CPA4: variants seen among roughly 807,000 people sequenced by gnomAD.
The protein encoded by CPA4 is carboxypeptidase A3.
In CPA4, 49 loss-of-function variants were observed where a neutral mutation model predicts 54.7. The observed-to-expected ratio is 0.90, with a 90% CI of 0.71 to 1.14. CPA4 has a LOEUF of 1.14. Among genes scored for constraint, CPA4 ranks in the 50% most tolerant of loss-of-function variants. CPA4 has a pLI of 0.00. For synonymous variants in CPA4, 215 were observed against 206.8 expected, an observed-to-expected ratio of 1.04 and a Z score of -0.34; for missense variants, 487 against 525.1, an observed-to-expected ratio of 0.93 and a Z score of 0.71.
At chr7:130,298,702 C>T in intron 1 of CPA4, 44 bp from the exon 2 acceptor site, 3 of 1,203,314 alleles carry the variant, frequency 2.5e-6, no homozygotes, top group Non-Finnish European at 3.7e-6. Context: ...GCTGAAAGCT[C>T]ATCATTATCT....
chr7:130,306,088 G>C (rs1483726523), intron 6 of CPA4, 168 bp downstream of exon 6: 11 of 609,686 alleles, frequency 1.8e-5, no homozygotes, highest in Non-Finnish European at 3.2e-5. Flanking sequence ...CCCTTGGTCA[G>C]CTCACTGCGG....
At chr7:130,306,026 G>C (rs927249628) in intron 6 of CPA4, 106 bp downstream of exon 6, 1 of 881,564 alleles carries the variant, frequency 1.1e-6, no homozygotes, top group Admixed American at 2.0e-5. Context: ...TCTCTACTAA[G>C]ACCCAGTCGG....
intron 4 of CPA4, among the ~76,000 whole-genome samples, chr7:130,303,918 A>C (rs1203398290): frequency 6.6e-6 from 1 of 152,044 alleles, no homozygotes; most frequent in Non-Finnish European, 1.5e-5. Flanking sequence ...TTGGGATTAT[A>C]GGCATGAGCC....
chr7:130,308,541 C>A, intron 8 of CPA4, 144 bp downstream of exon 8: 1 of 670,114 alleles, frequency 1.5e-6, no homozygotes, highest in South Asian at 1.8e-5. Flanking sequence ...ACTCCTTAGG[C>A]TCTGACTTAG....
intron 10 of CPA4, among the ~76,000 whole-genome samples, chr7:130,317,776 A>G (rs1337781750): frequency 6.6e-6 from 1 of 151,746 alleles, no homozygotes; most frequent in Non-Finnish European, 1.5e-5. Context: ...TTTCCCCTCT[A>G]TTGGCTTTTC....
chr7:130,298,750 C>T lies in CPA4; in HGVS notation c.73C>T (p.Gln25Ter), dbSNP rs1562927923. 1 of 1,604,422 alleles carries T rather than the reference C, an allele frequency of 6.2e-7. No individual in the cohort carries two copies. Among genetic ancestry groups the T allele is most frequent in the Non-Finnish European group, 8.5e-7 (1 of 1,171,740 alleles). Residue 25 changes from glutamine (Q) to a stop codon, truncating the protein, a stop_gained, in exon 2 of 11, where the codon CAA becomes TAA. Transcript: ENST00000222482. LOFTEE classifies it high-confidence loss of function. ...TCCTTTTCGCTTCTTCCCCAGGGACCAAGTTTTGAGGATTAATGTCAGAAA... is the reference window on the plus strand; with the variant it reads ...TCCTTTTCGCTTCTTCCCCAGGGACTAAGTTTTGAGGATTAATGTCAGAAA... ...ICGQEKFFGD[Q>*]VLRINVRNGD...
rs149468744 is a variant in CPA4, at chr7:130,301,356, T to C, written c.384+442T>C. 1.6e-3 allele frequency among the ~76,000 whole-genome samples: 250 copies of C among 152,342 alleles called. 1 individual carries two copies. Among genetic ancestry groups the C allele is most frequent in the Non-Finnish European group, 2.5e-3 (170 of 68,034 alleles). ...GACTACTTATAATGTATATATTTGT[T>C]CCATCATGCATTTTGGTGCTGTGTT... is the stretch of plus-strand genomic sequence containing the variant. On this transcript the variant is annotated intron_variant, in intron 4 of 10. Coordinates refer to ENST00000222482, the MANE Select transcript of CPA4 (RefSeq NM_016352.4).
Position 130,312,114 on chromosome 7 carries a change from C to T in CPA4, c.1070C>T (p.Thr357Ile). ...GAGTACCAAGTGGGTCCCACCTGCA[C>T]CACTGTCTGTAAGTACTCGCTTATT... ...GTEYQVGPTCTTVYPASGSSI... is the reference protein window; with the variant it reads ...GTEYQVGPTCITVYPASGSSI... Residue 357 changes from threonine (T) to isoleucine (I), a missense_variant, in exon 10 of 11, where the codon ACC (threonine) becomes ATC (isoleucine). Physicochemically the swap from Thr to Ile is moderately conservative, Grantham distance 89. Coordinates refer to ENST00000222482, the MANE Select transcript of CPA4 (RefSeq NM_016352.4). 1 of 1,611,666 alleles carries T rather than the reference C, an allele frequency of 6.2e-7. No homozygotes were observed. Among genetic ancestry groups the T allele is most frequent in the Non-Finnish European group, 8.5e-7 (1 of 1,177,776 alleles).
intron 3 of CPA4, among the ~76,000 whole-genome samples, chr7:130,299,997 A>G (rs1184510491): frequency 1.3e-5 from 2 of 152,192 alleles, no homozygotes; most frequent in East Asian, 1.9e-4. Flanking sequence ...ACATCAGGAC[A>G]GGGTCTGGCT....
At chr7:130,313,290 C>T (rs1793940507) in intron 10 of CPA4, among the ~76,000 whole-genome samples, 1 of 152,210 alleles carries the variant, frequency 6.6e-6, no homozygotes, top group Admixed American at 6.5e-5. Flanking sequence ...ATTATTAGGA[C>T]AGAGCCCAGG....
At chr7:130,302,663 T>A (rs527976879) in intron 4 of CPA4, among the ~76,000 whole-genome samples, 1 of 152,282 alleles carries the variant, frequency 6.6e-6, no homozygotes, top group African/African-American at 2.4e-5. Context: ...TGGACACAGC[T>A]TGGTGTTTTA....
chr7:130,311,089 G>C, intron 9 of CPA4, 103 bp downstream of exon 9: 1 of 889,942 alleles, frequency 1.1e-6, no homozygotes, highest in South Asian at 1.4e-5. Flanking sequence ...CAGGAGCCTA[G>C]GCATGTTTCA....
intron 10 of CPA4, among the ~76,000 whole-genome samples, chr7:130,315,294 G>A (rs1247397272): frequency 2.0e-5 from 3 of 152,178 alleles, no homozygotes; most frequent in Admixed American, 6.5e-5. Flanking sequence ...AACAAAAGGT[G>A]TGAGTGGTCT....
At chr7:130,295,407 A>G (rs1489890604) in intron 1 of CPA4, among the ~76,000 whole-genome samples, 1 of 152,188 alleles carries the variant, frequency 6.6e-6, no homozygotes, top group East Asian at 1.9e-4. Context: ...GAGCTGTGAG[A>G]ACACCTGTGT....
Position 130,314,859 on chromosome 7 carries a change from G to C in CPA4, c.1078+2737G>C, listed in dbSNP as rs558663076. 2.6e-5 allele frequency among the ~76,000 whole-genome samples: 4 copies of C among 152,224 alleles called. No homozygotes were observed. The East Asian group carries it at 7.7e-4, about 29-fold the overall frequency. On this transcript the variant is annotated intron_variant, in intron 10 of 10. Transcript: ENST00000222482. ...AAGCGACGAAAGTTTGGGAGAGAAAGAGATGTAAGCGGCTTATGTGGATTT... is the reference window on the plus strand; with the variant it reads ...AAGCGACGAAAGTTTGGGAGAGAAACAGATGTAAGCGGCTTATGTGGATTT...
chr7:130,300,785 A>G lies in CPA4; in HGVS notation c.286-31A>G, dbSNP rs376012078. 5 of 1,471,696 alleles carry G rather than the reference A, an allele frequency of 3.4e-6. No homozygotes were observed. The South Asian group carries it at 5.7e-5, about 17-fold the overall frequency. The allele number at this position is 1,471,696 out of a possible 1,614,324, so 91.2% of individuals were successfully genotyped here. A position where few individuals can be genotyped will look rare whatever the true frequency, so the allele number is the denominator to read the frequency against. ...AAACATAAACCTGCGTCTGCAATGG[A>G]TCACTTCACAACATTGCTGTGTGTT... On this transcript the variant is annotated intron_variant, in intron 3 of 10. Transcript: ENST00000222482.
chr7:130,305,983 T>C, intron 6 of CPA4, 63 bp downstream of exon 6: 2 of 1,395,120 alleles, frequency 1.4e-6, no homozygotes, highest in Non-Finnish European at 2.0e-6. Context: ...CAGCATGCCA[T>C]GTGGCTGGGC....
intron 7 of CPA4, 67 bp downstream of exon 7, chr7:130,306,964 A>G (rs1265510903): frequency 3.4e-6 from 3 of 877,382 alleles, no homozygotes; most frequent in African/African-American, 3.3e-5. Context: ...TAATTGTCTG[A>G]TCTTGGAGAG....
intron 5 of CPA4, 73 bp downstream of exon 5, chr7:130,304,652 G>C: frequency 2.1e-6 from 2 of 941,618 alleles, no homozygotes. Flanking sequence ...CTCTGAAAAG[G>C]GTAGCTTTTT....
Sources: gnomAD v4.1 joint callset for allele counts (sites outside exome capture counted in the v4.1 genomes callset) on GRCh38, gnomAD v4.1.1 for gene constraint, MANE v1.5 for transcripts, NCBI Gene and HGNC (gene_info 2026-07-23, HGNC 2026-07-21) for gene names.